Variants in OSBPL1A observed in about 807,000 individuals in gnomAD.
OSBPL1A encodes oxysterol binding protein like 1A.
OSBPL1A carries 80 observed loss-of-function variants against 137.1 expected under a neutral mutation model. The ratio of observed to expected loss-of-function variants is 0.58; its 90% CI spans 0.49 to 0.70. OSBPL1A has a LOEUF of 0.70. Ranked by LOEUF, OSBPL1A falls within the 30% of genes least tolerant of loss-of-function variation. The pLI is 0.00. For synonymous variants in OSBPL1A, 365 were observed against 389.7 expected (o/e 0.94, Z 0.75); for missense variants, 970 against 1,129.4 (o/e 0.86, Z 2.02).
At chr18:24,361,242 G>A (rs746854923) in intron 4 of OSBPL1A, among the ~76,000 whole-genome samples, 21 of 152,180 alleles carry the variant, frequency 1.4e-4, no homozygotes, top group Non-Finnish European at 2.8e-4. Flanking sequence ...GCCCAAGCTG[G>A]TCTTGAACTC....
At chr18:24,340,027 T>C (rs2091247096) in intron 5 of OSBPL1A, among the ~76,000 whole-genome samples, 1 of 152,182 alleles carries the variant, frequency 6.6e-6, no homozygotes, top group Admixed American at 6.5e-5. Flanking sequence ...CAAAATTATA[T>C]TGCCTTTCTC....
chr18:24,333,213 G>T, intron 6 of OSBPL1A, 127 bp from the exon 7 acceptor site: 1 of 1,060,180 alleles, frequency 9.4e-7, no homozygotes. Context: ...GGCTGTTAGT[G>T]GTTTCTTGCT....
chr18:24,193,666 C>A (rs1355030662), intron 18 of OSBPL1A, among the ~76,000 whole-genome samples: 1 of 152,062 alleles, frequency 6.6e-6, no homozygotes, highest in Non-Finnish European at 1.5e-5. Flanking sequence ...TCCTTTCAAT[C>A]CACATTAATA....
chr18:24,180,669 T>C (rs1186861905), intron 19 of OSBPL1A, among the ~76,000 whole-genome samples: 1 of 152,092 alleles, frequency 6.6e-6, no homozygotes, highest in Non-Finnish European at 1.5e-5. Context: ...GGTCAGGAGA[T>C]CGAGACCATC....
chr18:24,344,208 G>T (rs1374178356), intron 4 of OSBPL1A, among the ~76,000 whole-genome samples: 3 of 152,318 alleles, frequency 2.0e-5, no homozygotes, highest in Non-Finnish European at 2.9e-5. Context: ...CCAGCACTTT[G>T]GGAGGCTGAG....
chr18:24,232,499 T>A (rs1175518860), intron 16 of OSBPL1A, among the ~76,000 whole-genome samples: 1 of 152,208 alleles, frequency 6.6e-6, no homozygotes, highest in Non-Finnish European at 1.5e-5. Context: ...CTACAATTTG[T>A]AACATCTGCA....
At chr18:24,186,734 T>A (rs2145930943) in intron 18 of OSBPL1A, among the ~76,000 whole-genome samples, 1 of 151,920 alleles carries the variant, frequency 6.6e-6, no homozygotes, top group South Asian at 2.1e-4. Context: ...TGAAACCCTG[T>A]CTCTACTAAA....
At chr18:24,178,345 G>T in intron 20 of OSBPL1A, 150 bp from the exon 21 acceptor site, 1 of 804,104 alleles carries the variant, frequency 1.2e-6, no homozygotes, top group Non-Finnish European at 1.9e-6. Context: ...TCAGGCTGGA[G>T]CAGTGGCGTG....
chr18:24,272,002 T>TGCGGCGGGCGGCTCCCTGCGC (rs1390361537), intron 15 of OSBPL1A: 20 of 981,236 alleles, frequency 2.0e-5, no homozygotes, highest in Middle Eastern at 5.2e-4. Context: ...CGGCAAGGCC[T>TGCGGCGGGCGGCTCCCTGCGC]GCGGCGGGCG....
At chr18:24,287,414 A>G (rs988650012) in intron 14 of OSBPL1A, among the ~76,000 whole-genome samples, 1 of 152,210 alleles carries the variant, frequency 6.6e-6, no homozygotes, top group Non-Finnish European at 1.5e-5. Context: ...ATGACATAAG[A>G]GAGTTTATCC....
chr18:24,341,638 T>C lies in OSBPL1A; in HGVS notation c.303A>G (p.Leu101=), dbSNP rs2091275380. The change falls in exon 5 of 28, where the codon TTA becomes TTG. Residue 101 remains leucine, a synonymous_variant. Coordinates refer to ENST00000319481, the MANE Select transcript of OSBPL1A (RefSeq NM_080597.4). ...TGRKELVMLL[L]EYNADTTIVN... ...CAATAGTAGTATCAGCATTATATTCTAAGAGAAGCATTACCAACTCCTAAA... is the reference window on the plus strand; with the variant it reads ...CAATAGTAGTATCAGCATTATATTCCAAGAGAAGCATTACCAACTCCTAAA... The C allele has an allele frequency of 6.2e-7, 1 of 1,606,856 alleles. No homozygotes were observed. Among genetic ancestry groups the C allele is most frequent in the East Asian group, 2.2e-5 (1 of 44,772 alleles).
intron 7 of OSBPL1A, among the ~76,000 whole-genome samples, chr18:24,327,540 G>A (rs980156633): frequency 1.3e-5 from 2 of 152,022 alleles, no homozygotes; most frequent in African/African-American, 2.4e-5. Context: ...CTCCCAAGTA[G>A]CTGGAAGTAC....
chr18:24,326,405 G>T (rs2090981018), intron 7 of OSBPL1A, among the ~76,000 whole-genome samples: 2 of 152,134 alleles, frequency 1.3e-5, no homozygotes, highest in Admixed American at 1.3e-4. Flanking sequence ...TGTACCATAT[G>T]TCCTGCCCCT....
At position 24,239,921 on chromosome 18, in the gene OSBPL1A, T is replaced by TTC. The variant is rs1184202009; in HGVS notation, c.1282-541_1282-540dup. 1.2e-3 allele frequency among the ~76,000 whole-genome samples: 114 copies of TTC among 98,766 alleles called. 1 individual carries two copies. Among genetic ancestry groups the TTC allele is most frequent in the African/African-American group, 3.3e-3 (85 of 25,428 alleles). 64.8% of individuals were successfully genotyped at this position (98,766 alleles called of 152,430 possible). On this transcript the variant is annotated intron_variant, in intron 15 of 27. Coordinates refer to ENST00000319481, the MANE Select transcript of OSBPL1A (RefSeq NM_080597.4). ...ACTACAAACATTCTATTTTTCATTTTTCTCTTTTTTTTTTTTTTTTTTGAG... is the reference window on the plus strand; with the variant it reads ...ACTACAAACATTCTATTTTTCATTTTTCTCTCTTTTTTTTTTTTTTTTTTGAG...
chr18:24,250,575 G>C (rs1215541576), intron 15 of OSBPL1A, among the ~76,000 whole-genome samples: 1 of 152,200 alleles, frequency 6.6e-6, no homozygotes, highest in East Asian at 1.9e-4. Context: ...GCTAACTGAA[G>C]AGCCTTTGGG....
intron 21 of OSBPL1A, among the ~76,000 whole-genome samples, chr18:24,175,264 C>A (rs1261943109): frequency 6.6e-6 from 1 of 151,566 alleles, no homozygotes; most frequent in Non-Finnish European, 1.5e-5. Flanking sequence ...TGGCTCACTG[C>A]AGCCTCGAAC....
chr18:24,202,685 A>G (rs1215322680), intron 17 of OSBPL1A, among the ~76,000 whole-genome samples: 3 of 152,274 alleles, frequency 2.0e-5, no homozygotes, highest in African/African-American at 7.2e-5. Flanking sequence ...ACAATTCATT[A>G]TTAACAGGTA....
intron 15 of OSBPL1A, among the ~76,000 whole-genome samples, chr18:24,244,268 A>AT (rs1387991750): frequency 6.6e-6 from 1 of 152,198 alleles, no homozygotes; most frequent in African/African-American, 2.4e-5. Context: ...TGATTACTAG[A>AT]TTTTTTAAAT....
At chr18:24,317,108 T>A (rs113504279) in intron 11 of OSBPL1A, 41 bp downstream of exon 11, 15 of 1,600,220 alleles carry the variant, frequency 9.4e-6, no homozygotes, top group African/African-American at 5.3e-5. Flanking sequence ...GAAGAACTGA[T>A]TTCACAGTTA....
Sources: allele counts gnomAD v4.1 joint callset (sites outside exome capture counted in the v4.1 genomes callset), GRCh38; gene constraint gnomAD v4.1.1; transcripts MANE v1.5; gene names NCBI Gene and HGNC (gene_info 2026-07-23, HGNC 2026-07-21).